DUSP16: variants seen among roughly 807,000 people sequenced by gnomAD.
DUSP16 encodes the protein dual specificity phosphatase 16, also known as dual specificity protein phosphatase 16.
DUSP16 carries 21 observed loss-of-function variants against 58.3 expected under a neutral mutation model. The ratio of observed to expected loss-of-function variants is 0.36; its 90% CI spans 0.26 to 0.52. The LOEUF is 0.52. Among genes scored for constraint, DUSP16 ranks in the 20% least tolerant of loss-of-function variants. DUSP16 has a pLI of 0.94. For synonymous variants in DUSP16, 320 were observed against 323.8 expected (o/e 0.99, Z 0.12); for missense variants, 726 against 819.0 (o/e 0.89, Z 1.39).
chr12:12,517,706 C>A (rs1306237911), intron 3 of DUSP16, among the ~76,000 whole-genome samples: 1 of 152,222 alleles, frequency 6.6e-6, no homozygotes, highest in Non-Finnish European at 1.5e-5. Flanking sequence ...AATTCCCAAA[C>A]AAGCAATTCA....
intron 3 of DUSP16, among the ~76,000 whole-genome samples, chr12:12,501,396 T>G (rs1943907768): frequency 6.6e-6 from 1 of 152,178 alleles, no homozygotes. Flanking sequence ...GAATTCAGTT[T>G]TTTCTAGTCC....
At chr12:12,562,025 C>A (rs1944911652) in intron 1 of DUSP16, 92 bp downstream of exon 1, 1 of 150,058 alleles carries the variant, frequency 6.7e-6, no homozygotes, top group Admixed American at 6.6e-5. Context: ...TCGGGGCGCG[C>A]TGCGGAGCGT....
chr12:12,491,274 C>T (rs1490588319), intron 4 of DUSP16: 1 of 151,606 alleles, frequency 6.6e-6, no homozygotes, highest in African/African-American at 2.4e-5. Context: ...TAACCTCAAA[C>T]TCCTGGATTC....
chr12:12,531,681 G>A (rs968560982), intron 1 of DUSP16, among the ~76,000 whole-genome samples: 1 of 152,096 alleles, frequency 6.6e-6, no homozygotes, highest in Non-Finnish European at 1.5e-5. Flanking sequence ...GACCAGTCTG[G>A]CCAACAGGGC....
chr12:12,542,738 A>G (rs1335170636), intron 1 of DUSP16, among the ~76,000 whole-genome samples: 1 of 152,228 alleles, frequency 6.6e-6, no homozygotes, highest in African/African-American at 2.4e-5. Flanking sequence ...CCAGATGTAA[A>G]GAAACTAAAG....
Position 12,477,731 on chromosome 12 carries a change from T to TGCACGCTGGGCACGCTGG in DUSP16, c.1082_1099dup (p.Pro361_Val366dup), listed in dbSNP as rs59897494. 1.5e-5 allele frequency: 24 copies of TGCACGCTGGGCACGCTGG among 1,603,690 alleles called. No homozygotes were observed. In the Admixed American group the frequency reaches 2.1e-4, roughly 14 times the overall value. ...CGGGCTGTCCTCTAACAGCGACGGCTGCACGCTGGGCACGCTGGGCACGCT... is the reference window on the plus strand; with the variant it reads ...CGGGCTGTCCTCTAACAGCGACGGCTGCACGCTGGGCACGCTGGGCACGCTGGGCACGCTGGGCACGCT... On this transcript the variant is annotated inframe_insertion, in exon 7 of 7. Coordinates refer to ENST00000298573, the MANE Select transcript of DUSP16 (RefSeq NM_030640.3). This position sits in a 1 kb window ranked among gnomAD's most constrained non-coding sequence, Gnocchi z 4.1.
Position 12,478,060 on chromosome 12 carries a change from C to G in DUSP16, c.816-45G>C, listed in dbSNP as rs757536634. ...CAAAAACCCGAATTTTACAACTACA[C>G]TTTATCTTAAGAATATTAAGTGAAT... On this transcript the variant is annotated intron_variant, in intron 6 of 6. Transcript: ENST00000298573. The G allele has an allele frequency of 3.5e-6, 5 of 1,417,046 alleles. No homozygotes were observed. In the African/African-American group the frequency reaches 7.2e-5, roughly 20 times the overall value. 87.8% of individuals were successfully genotyped at this position (1,417,046 alleles called of 1,614,324 possible).
intron 1 of DUSP16, among the ~76,000 whole-genome samples, chr12:12,556,036 G>A (rs969187608): frequency 6.6e-6 from 1 of 152,086 alleles, no homozygotes; most frequent in Non-Finnish European, 1.5e-5. Flanking sequence ...GTAAGACCAT[G>A]TCTCAAAAAA....
Position 12,476,509 on chromosome 12 carries a change from G to A in DUSP16, c.*324C>T, listed in dbSNP as rs577153387. 6 of 219,162 alleles carry A rather than the reference G, an allele frequency of 2.7e-5. No individual in the cohort carries two copies. In the South Asian group the frequency reaches 4.0e-4, roughly 15 times the overall value. 13.6% of individuals were successfully genotyped at this position (219,162 alleles called of 1,614,324 possible). ...TTAGTAGCACAACGTGAAAATGGTAGGGGATTTTGTCCTCCAACACCAAAG... is the reference window on the plus strand; with the variant it reads ...TTAGTAGCACAACGTGAAAATGGTAAGGGATTTTGTCCTCCAACACCAAAG... On this transcript the variant is annotated 3_prime_UTR_variant, in exon 7 of 7. Coordinates refer to ENST00000298573, the MANE Select transcript of DUSP16 (RefSeq NM_030640.3).
At chr12:12,531,476 C>T (rs1944383296) in intron 1 of DUSP16, among the ~76,000 whole-genome samples, 1 of 151,950 alleles carries the variant, frequency 6.6e-6, no homozygotes, top group Non-Finnish European at 1.5e-5. Context: ...AGAATTTTTC[C>T]AATGCCAAAA....
intron 1 of DUSP16, among the ~76,000 whole-genome samples, chr12:12,550,272 CAAAA>C (rs35519025): frequency 2.1e-5 from 2 of 97,408 alleles, no homozygotes; most frequent in African/African-American, 4.4e-5. Flanking sequence ...GACTCCGTCT[CAAAA>C]AAAAAAAAAA....
chr12:12,501,721 G>A (rs1395371819), intron 3 of DUSP16, among the ~76,000 whole-genome samples: 1 of 152,188 alleles, frequency 6.6e-6, no homozygotes, highest in Non-Finnish European at 1.5e-5. Flanking sequence ...GCAGGGCTCG[G>A]TGGCTCACGC....
chr12:12,477,001 C>A lies in DUSP16; in HGVS notation c.1830G>T (p.Arg610=). ...RQKPSDRADS[R]RSWHEESPFE... ...AGGGGCTCTCTTCATGCCAGCTCCG[C>A]CGCGAGTCAGCTCTGTCACTTGGCT... Residue 610 remains arginine (R), a synonymous_variant, in exon 7 of 7, where the codon CGG becomes CGT. Transcript: ENST00000298573. This position sits in a 1 kb window ranked among gnomAD's most constrained non-coding sequence, Gnocchi z 4.1. 6.2e-7 allele frequency: 1 copy of A among 1,614,258 alleles called. No homozygotes were observed. The highest frequency in any genetic ancestry group is 8.5e-7 in the Non-Finnish European group (1 of 1,180,050).
chr12:12,548,309 G>C (rs564469721), intron 1 of DUSP16, among the ~76,000 whole-genome samples: 3 of 152,234 alleles, frequency 2.0e-5, no homozygotes, highest in African/African-American at 7.2e-5. Flanking sequence ...ACCACAATGA[G>C]GTATCACGTC....
At chr12:12,517,282 C>T (rs1944167804) in intron 3 of DUSP16, among the ~76,000 whole-genome samples, 1 of 152,188 alleles carries the variant, frequency 6.6e-6, no homozygotes, top group Non-Finnish European at 1.5e-5. Context: ...TTTCTATTAC[C>T]ATGTCCAAAC....
intron 1 of DUSP16, among the ~76,000 whole-genome samples, chr12:12,536,499 C>A (rs1471685318): frequency 1.3e-5 from 2 of 152,312 alleles, no homozygotes; most frequent in East Asian, 3.9e-4. Flanking sequence ...AATCCCAGCA[C>A]TTTGGGAGGC....
chr12:12,542,314 G>C (rs537747677), intron 1 of DUSP16, among the ~76,000 whole-genome samples: 2 of 150,782 alleles, frequency 1.3e-5, no homozygotes, highest in African/African-American at 4.9e-5. Flanking sequence ...TGGAGGTTGT[G>C]GTGAGCCGAG....
At chr12:12,498,093 T>C (rs540004133) in intron 4 of DUSP16, among the ~76,000 whole-genome samples, 4 of 152,348 alleles carry the variant, frequency 2.6e-5, no homozygotes, top group African/African-American at 7.2e-5. Context: ...GGGAAGATTA[T>C]AAAATTTTCA....
chr12:12,532,171 A>C (rs960890631), intron 1 of DUSP16, among the ~76,000 whole-genome samples: 2 of 152,228 alleles, frequency 1.3e-5, no homozygotes, highest in Non-Finnish European at 2.9e-5. Context: ...TCTCAAAAAA[A>C]AAACAAAACA....
Sources: gnomAD v4.1 joint callset for allele counts (sites outside exome capture counted in the v4.1 genomes callset) on GRCh38, gnomAD v4.1.1 for gene constraint, Gnocchi (gnomAD v3.1) non-coding constraint, MANE v1.5 for transcripts, NCBI Gene and HGNC (gene_info 2026-07-23, HGNC 2026-07-21) for gene names.